Variants in PGGT1B observed in about 807,000 individuals in gnomAD.
PGGT1B encodes the protein geranylgeranyl transferase type-1 subunit beta.
A neutral mutation model predicts 46.1 loss-of-function variants in PGGT1B; 30 were observed. The ratio of observed to expected loss-of-function variants is 0.65; its 90% confidence interval spans 0.49 to 0.88. The LOEUF (loss-of-function observed/expected upper bound fraction) is 0.88, where lower values mean the gene tolerates loss of function less well. Ranked by LOEUF, PGGT1B falls within the 40% of genes least tolerant of loss-of-function variation. The pLI, the probability that PGGT1B is intolerant of heterozygous loss-of-function variation, is 0.00. For synonymous variants in PGGT1B, 170 were observed against 160.0 expected (o/e 1.06, Z -0.47); for missense variants, 376 against 455.9 (o/e 0.82, Z 1.60).
chr5:115,252,528 A>C (rs1039505708), intron 2 of PGGT1B, among the ~76,000 whole-genome samples: 52 of 152,016 alleles, frequency 3.4e-4, no homozygotes, highest in African/African-American at 1.3e-3. Flanking sequence ...AGTTATATCT[A>C]TCTTAGATAT....
At chr5:115,244,667 C>T (rs1004799582) in intron 2 of PGGT1B, among the ~76,000 whole-genome samples, 1 of 151,954 alleles carries the variant, frequency 6.6e-6, no homozygotes, top group Non-Finnish European at 1.5e-5. Context: ...TCTCGGCTCA[C>T]TGCAACCTTG....
At chr5:115,240,312 T>G (rs971140353) in intron 3 of PGGT1B, among the ~76,000 whole-genome samples, 19 of 152,238 alleles carry the variant, frequency 1.2e-4, no homozygotes, top group Admixed American at 1.2e-3. Context: ...GGGGGAAGGA[T>G]CATATTTTAA....
At chr5:115,218,394 T>C (rs1175898207) in intron 7 of PGGT1B, among the ~76,000 whole-genome samples, 1 of 118,434 alleles carries the variant, frequency 8.4e-6, no homozygotes, top group African/African-American at 3.7e-5. Flanking sequence ...TATATGTGTG[T>C]GTGTATATAT....
chr5:115,205,722 A>G lies in PGGT1B; in HGVS notation c.*6680T>C, dbSNP rs1222632362. 1 of 152,076 alleles carries G rather than the reference A, an allele frequency of 6.6e-6. No individual in the cohort carries two copies. The highest frequency in any genetic ancestry group is 1.5e-5 in the Non-Finnish European group (1 of 67,950). 9.4% of individuals were successfully genotyped at this position (152,076 alleles called of 1,614,324 possible). A position where few individuals can be genotyped will look rare whatever the true frequency, so the allele number is the denominator to read the frequency against. On this transcript the variant is annotated 3_prime_UTR_variant, in exon 9 of 9. Coordinates refer to ENST00000419445, the MANE Select transcript of PGGT1B (RefSeq NM_005023.4). Reference sequence around the variant, plus strand: ...TATCAGAAACCCATTTTCTGATCATATTTAAAATCTTAGTGTCAAGATAAA... The same window carrying G: ...TATCAGAAACCCATTTTCTGATCATGTTTAAAATCTTAGTGTCAAGATAAA...
intron 7 of PGGT1B, among the ~76,000 whole-genome samples, chr5:115,221,306 T>A (rs916980164): frequency 1.3e-5 from 2 of 151,964 alleles, no homozygotes; most frequent in Admixed American, 1.3e-4. Context: ...GAATTAGGTA[T>A]ATTAAAAGGT....
Position 115,252,066 on chromosome 5 carries a change from T to G in PGGT1B, c.259+1071A>C, listed in dbSNP as rs542120119. ...CTTATCACAGCTCTTCTCTACAGGT[T>G]TAGAAGAATAGTACTCTTAGCAGAA... On this transcript the variant is annotated intron_variant, in intron 2 of 8. Coordinates refer to ENST00000419445, the MANE Select transcript of PGGT1B (RefSeq NM_005023.4). Among the ~76,000 whole-genome samples, 4 of 152,214 alleles carry G rather than the reference T, an allele frequency of 2.6e-5. No individual in the cohort carries two copies. In the East Asian group the frequency reaches 7.7e-4, roughly 29 times the overall value.
At chr5:115,245,388 A>G (rs1747789104) in intron 2 of PGGT1B, among the ~76,000 whole-genome samples, 2 of 152,244 alleles carry the variant, frequency 1.3e-5, no homozygotes, top group African/African-American at 4.8e-5. Context: ...TAAAAGTACC[A>G]TATAAGGTTA....
intron 2 of PGGT1B, among the ~76,000 whole-genome samples, chr5:115,246,467 A>C (rs906064117): frequency 6.6e-6 from 1 of 152,156 alleles, no homozygotes; most frequent in African/African-American, 2.4e-5. Context: ...TAGTAAGCAT[A>C]CCTTTTCATG....
chr5:115,255,401 T>G (rs1322960667), intron 1 of PGGT1B, among the ~76,000 whole-genome samples: 1 of 152,212 alleles, frequency 6.6e-6, no homozygotes, highest in Non-Finnish European at 1.5e-5. Context: ...TTTGTTTGTA[T>G]GCACTCAAAT....
Position 115,262,802 on chromosome 5 carries a change from C to T in PGGT1B, c.50G>A (p.Arg17Gln). The T allele has an allele frequency of 1.2e-6, 2 of 1,612,988 alleles. No homozygotes were observed. The highest frequency in any genetic ancestry group is 1.7e-6 in the Non-Finnish European group (2 of 1,179,914). The change falls in exon 1 of 9, where the codon CGG (arginine) becomes CAG (glutamine). Residue 17 changes from arginine (R) to glutamine (Q), a missense_variant. Arg to Gln is a conservative substitution (Grantham distance 43). Coordinates refer to ENST00000419445, the MANE Select transcript of PGGT1B (RefSeq NM_005023.4). ...GTGCCGATCCCGTAAGAAATCCAGC[C>T]GCTCTCCCTCACCGCTCCCTGCTAG... ...ERLAGSGEGE[R>Q]LDFLRDRHVR... is the part of the protein sequence containing the mutation.
chr5:115,232,801 A>C (rs1757032931), intron 5 of PGGT1B, among the ~76,000 whole-genome samples: 1 of 151,996 alleles, frequency 6.6e-6, no homozygotes, highest in African/African-American at 2.4e-5. Flanking sequence ...AAGGCACTTA[A>C]AAGAATGTGC....
chr5:115,223,240 G>A (rs1353548629), intron 6 of PGGT1B, among the ~76,000 whole-genome samples: 1 of 152,142 alleles, frequency 6.6e-6, no homozygotes, highest in Non-Finnish European at 1.5e-5. Flanking sequence ...CCACTGCGTA[G>A]GCTGAATAAT....
At position 115,212,194 on chromosome 5, in the gene PGGT1B, A is replaced by G. The variant is rs1196852263; in HGVS notation, c.*208T>C. On this transcript the variant is annotated 3_prime_UTR_variant, in exon 9 of 9. Coordinates refer to ENST00000419445, the MANE Select transcript of PGGT1B (RefSeq NM_005023.4). ...AGTATAAACATTTAAGAACCACGAC[A>G]AAGTTGTGGTTCAAACTTCAACAAA... 4.8e-6 allele frequency: 4 copies of G among 825,362 alleles called. No individual in the cohort carries two copies. In the African/African-American group the frequency reaches 5.3e-5, roughly 11 times the overall value. The allele number at this position is 825,362 out of a possible 1,614,324, so 51.1% of individuals were successfully genotyped here. A position where few individuals can be genotyped will look rare whatever the true frequency, so the allele number is the denominator to read the frequency against.
rs1345018763 is a variant in PGGT1B at position 115,205,681 on chromosome 5, A to C, written c.*6721T>G. 1 of 152,064 alleles carries C rather than the reference A, an allele frequency of 6.6e-6. No individual in the cohort carries two copies. Among genetic ancestry groups the C allele is most frequent in the Non-Finnish European group, 1.5e-5 (1 of 67,946 alleles). 9.4% of individuals were successfully genotyped at this position (152,064 alleles called of 1,614,324 possible). A position where few individuals can be genotyped will look rare whatever the true frequency, so the allele number is the denominator to read the frequency against. On this transcript the variant is annotated 3_prime_UTR_variant, in exon 9 of 9. Transcript: ENST00000419445. Reference sequence around the variant, plus strand: ...TCTTTTCTAATGCCACAATTATTACAAGTAGACAGTTTTACTATCAGAAAC... The same window carrying C: ...TCTTTTCTAATGCCACAATTATTACCAGTAGACAGTTTTACTATCAGAAAC...
chr5:115,240,710 C>T (rs1021394913), intron 3 of PGGT1B, among the ~76,000 whole-genome samples: 2 of 152,244 alleles, frequency 1.3e-5, no homozygotes, highest in Middle Eastern at 3.4e-3. Context: ...AAGCTGATTA[C>T]GGAAAAACTG....
chr5:115,241,297 T>G (rs535160768), intron 3 of PGGT1B, among the ~76,000 whole-genome samples: 1 of 152,230 alleles, frequency 6.6e-6, no homozygotes, highest in African/African-American at 2.4e-5. Flanking sequence ...TTAATAGAAA[T>G]TTGTGTGTGT....
intron 2 of PGGT1B, among the ~76,000 whole-genome samples, chr5:115,249,765 A>T (rs1192025162): frequency 6.6e-6 from 1 of 152,218 alleles, no homozygotes; most frequent in Non-Finnish European, 1.5e-5. Flanking sequence ...TTTAAAACTC[A>T]TATCTAATAT....
chr5:115,230,876 G>T (rs556541907), intron 6 of PGGT1B, 100 bp downstream of exon 6: 2 of 734,870 alleles, frequency 2.7e-6, no homozygotes. Flanking sequence ...GCTGCACCAA[G>T]GGTTGAGAAA....
intron 2 of PGGT1B, among the ~76,000 whole-genome samples, chr5:115,251,540 A>G (rs915537751): frequency 1.6e-4 from 24 of 152,222 alleles, no homozygotes; most frequent in Admixed American, 7.2e-4. Context: ...GAAATAGAAG[A>G]AAAGACAGAA....
Sources: gnomAD v4.1 joint callset for allele counts (sites outside exome capture counted in the v4.1 genomes callset) on GRCh38, gnomAD v4.1.1 for gene constraint, MANE v1.5 for transcripts, NCBI Gene and HGNC (gene_info 2026-07-23, HGNC 2026-07-21) for gene names.